The following MTTP variants were observed in gnomAD, a reference collection of about 807,000 sequenced individuals.
MTTP encodes microsomal triglyceride transfer protein.
Under a neutral mutation model 90.6 loss-of-function variants are expected in MTTP, and 49 were observed. That is an observed-to-expected ratio of 0.54 (90% CI 0.43 to 0.69). The LOEUF is 0.69. Among genes scored for constraint, MTTP ranks in the 30% least tolerant of loss-of-function variants. The pLI is 0.00. For missense variants in MTTP, 945 were observed against 1,067.5 expected, an observed-to-expected ratio of 0.89 and a Z score of 1.60; for synonymous variants, 347 against 384.2, an observed-to-expected ratio of 0.90 and a Z score of 1.13.
At position 99,594,856 on chromosome 4, in the gene MTTP, C is replaced by G. The variant is rs1351059598; in HGVS notation, c.882C>G (p.Phe294Leu). The change falls in exon 7 of 18, where the codon TTC becomes TTG. Residue 294 changes from phenylalanine (F) to leucine (L), a missense_variant. Coordinates refer to ENST00000265517, the MANE Select transcript of MTTP (RefSeq NM_001386140.1). ...YTAIPIVGQV[F>L]QSHCKGCPSL... Reference sequence around the variant, plus strand: ...CCATTCCCATTGTGGGGCAGGTCTTCCAGAGCCACTGTAAAGGATGTCCTT... The same window carrying G: ...CCATTCCCATTGTGGGGCAGGTCTTGCAGAGCCACTGTAAAGGATGTCCTT... The G allele has an allele frequency of 6.2e-7, 1 of 1,613,938 alleles. No homozygotes were observed. Among genetic ancestry groups the G allele is most frequent in the East Asian group, 2.2e-5 (1 of 44,862 alleles).
At position 99,581,900 on chromosome 4, in the gene MTTP, T is replaced by A. The variant is rs776498091; in HGVS notation, c.62-5T>A. ...AACTGGATATGTGTCATTATCTTTA[T>A]GCAGGTCACACAACTGGTCTCTCAT... On this transcript the variant is annotated splice_region_variant and splice_polypyrimidine_tract_variant and intron_variant, in intron 1 of 17. Transcript: ENST00000265517. 8.2e-5 allele frequency: 133 copies of A among 1,613,894 alleles called. No homozygotes were observed. The highest frequency in any genetic ancestry group is 1.1e-4 in the Non-Finnish European group (127 of 1,179,860).
In MTTP at chr4:99,566,412, G is replaced by C. The variant is rs527370554; in HGVS notation, c.-102+2175G>C. Among the ~76,000 whole-genome samples the C allele has an allele frequency of 3.4e-4, 52 of 152,162 alleles. No homozygotes were observed. In the South Asian group the frequency reaches 0.01, roughly 30 times the overall value. Reference sequence around the variant, plus strand: ...TAGAAACAGATTTTAAAAAGAATGAGCACATACTTGTAGTTTAAGCTAATA... The same window carrying C: ...TAGAAACAGATTTTAAAAAGAATGACCACATACTTGTAGTTTAAGCTAATA... On this transcript the variant is annotated intron_variant, in intron 1 of 18. Transcript: ENST00000457717.
chr4:99,620,992 TA>T, intron 16 of MTTP, 68 bp from the exon 17 acceptor site: 1 of 1,446,406 alleles, frequency 6.9e-7, no homozygotes, highest in Non-Finnish European at 9.6e-7. Flanking sequence ...CCTGTAAAGT[TA>T]CAGCTGTTAG....
At chr4:99,617,055 A>T (rs1351087690) in intron 15 of MTTP, among the ~76,000 whole-genome samples, 1 of 152,212 alleles carries the variant, frequency 6.6e-6, no homozygotes, top group Non-Finnish European at 1.5e-5. Flanking sequence ...CATAGCTTTC[A>T]TTTGGAAATA....
At chr4:99,620,942 T>G in intron 16 of MTTP, 119 bp from the exon 17 acceptor site, 1 of 955,844 alleles carries the variant, frequency 1.0e-6, no homozygotes, top group Non-Finnish European at 1.6e-6. Flanking sequence ...CTGAATCCCT[T>G]AAGTGTTTCC....
intron 3 of MTTP, among the ~76,000 whole-genome samples, chr4:99,584,864 C>G (rs1302809042): frequency 6.6e-6 from 1 of 152,118 alleles, no homozygotes; most frequent in African/African-American, 2.4e-5. Flanking sequence ...CTTCCACTCC[C>G]TCCTTCCCCA....
At chr4:99,599,669 A>T in intron 8 of MTTP, among the ~76,000 whole-genome samples, 1 of 152,286 alleles carries the variant, frequency 6.6e-6, no homozygotes, top group Non-Finnish European at 1.5e-5. Flanking sequence ...CATTTTACAG[A>T]TGAAGAACTT....
At chr4:99,590,836 TACACACAC>T (rs34529437) in intron 4 of MTTP, among the ~76,000 whole-genome samples, 33 of 148,360 alleles carry the variant, frequency 2.2e-4, no homozygotes, top group African/African-American at 3.0e-4. Flanking sequence ...TAGTTGAAGT[TACACACAC>T]ACACACACAC....
Position 99,600,605 on chromosome 4 carries a change from G to A in MTTP, c.1108G>A (p.Asp370Asn). 1 of 1,613,658 alleles carries A rather than the reference G, an allele frequency of 6.2e-7. No homozygotes were observed. The highest frequency in any genetic ancestry group is 8.5e-7 in the Non-Finnish European group (1 of 1,179,758). ...VDAVTSAQTSDSLEAILDFLD... is the reference protein window; with the variant it reads ...VDAVTSAQTSNSLEAILDFLD... Reference sequence around the variant, plus strand: ...TGCTGTCACCTCTGCTCAGACCTCAGACTCATTAGAAGCCATTTTGGACTT... The same window carrying A: ...TGCTGTCACCTCTGCTCAGACCTCAAACTCATTAGAAGCCATTTTGGACTT... Residue 370 changes from aspartate (D) to asparagine (N), a missense_variant, in exon 9 of 18, where the codon GAC becomes AAC. By Grantham distance (23) the Asp-to-Asn change is conservative. Transcript: ENST00000265517.
upstream of MTTP, among the ~76,000 whole-genome samples, chr4:99,570,417 T>C (rs1724816175): frequency 6.6e-6 from 1 of 152,020 alleles, no homozygotes; most frequent in Non-Finnish European, 1.5e-5. Flanking sequence ...CTGTCCTCTC[T>C]ATCTAGTTCC....
intron 7 of MTTP, among the ~76,000 whole-genome samples, chr4:99,596,163 A>G (rs922194398): frequency 6.6e-6 from 1 of 152,144 alleles, no homozygotes; most frequent in African/African-American, 2.4e-5. Flanking sequence ...TTAAGATTAC[A>G]TAGCTAAAAG....
Position 99,594,723 on chromosome 4 carries a change from T to C in MTTP, c.759-10T>C. ...ATTATAATATAGCATTTCCCTTTGG[T>C]ATTATGCAGGCAGAAATTAGAGCTG... On this transcript the variant is annotated splice_polypyrimidine_tract_variant and intron_variant, in intron 6 of 17. Coordinates refer to ENST00000265517, the MANE Select transcript of MTTP (RefSeq NM_001386140.1). 6.2e-7 allele frequency: 1 copy of C among 1,613,726 alleles called. No homozygotes were observed. The highest frequency in any genetic ancestry group is 8.5e-7 in the Non-Finnish European group (1 of 1,179,692).
chr4:99,574,571 T>G (rs1724907705), upstream of MTTP: 3 of 430,230 alleles, frequency 7.0e-6, no homozygotes, highest in Non-Finnish European at 8.7e-6. Flanking sequence ...AGTTTTTTTC[T>G]TTGAATGCCC....
intron 6 of MTTP, among the ~76,000 whole-genome samples, chr4:99,592,589 C>T (rs1240380660): frequency 1.4e-5 from 2 of 144,726 alleles, no homozygotes; most frequent in Non-Finnish European, 3.0e-5. Context: ...ATATTAGCCT[C>T]GGCCTACACA....
intron 1 of MTTP, chr4:99,564,342 C>G (rs1367541038): frequency 9.3e-7 from 1 of 1,072,708 alleles, no homozygotes; most frequent in South Asian, 1.7e-5. Flanking sequence ...AAAAACATCT[C>G]TTGCCTATAT....
chr4:99,606,228 G>T (rs1725814547), intron 10 of MTTP, among the ~76,000 whole-genome samples: 2 of 152,258 alleles, frequency 1.3e-5, no homozygotes, highest in South Asian at 4.1e-4. Context: ...CCACATAGGA[G>T]GTACTGAGGA....
chr4:99,596,575 TAATAA>T (rs1296148919), intron 7 of MTTP, among the ~76,000 whole-genome samples: 8 of 152,098 alleles, frequency 5.3e-5, no homozygotes, highest in African/African-American at 1.4e-4. Context: ...TTTGTACAAA[TAATAA>T]AATAAAGAGA....
At chr4:99,586,973 G>A (rs1305446495) in intron 3 of MTTP, among the ~76,000 whole-genome samples, 1 of 150,380 alleles carries the variant, frequency 6.6e-6, no homozygotes, top group Non-Finnish European at 1.5e-5. Flanking sequence ...TCTGAGTACT[G>A]TAAATTTAGA....
Position 99,608,882 on chromosome 4 carries a change from G to A in MTTP, c.1674G>A (p.Lys558=), listed in dbSNP as rs1035861918. The change falls in exon 12 of 18, where the codon AAG becomes AAA. Residue 558 remains lysine, a synonymous_variant. Transcript: ENST00000265517. ...ACAATCCATCCTACATGGACGTCAA[G>A]AACATCCTGCTGTCTATTGGGGAGC... is the stretch of plus-strand genomic sequence containing the variant. ...LNNNPSYMDV[K]NILLSIGELP... is the part of the protein sequence containing the mutation. 12 of 1,613,988 alleles carry A rather than the reference G, an allele frequency of 7.4e-6. No homozygotes were observed. Among genetic ancestry groups the A allele is most frequent in the Non-Finnish European group, 1.0e-5 (12 of 1,180,012 alleles).
Sources: allele counts gnomAD v4.1 joint callset (sites outside exome capture counted in the v4.1 genomes callset), GRCh38; gene constraint gnomAD v4.1.1; transcripts MANE v1.5; gene names NCBI Gene and HGNC (gene_info 2026-07-23, HGNC 2026-07-21).